TMEM233: variants seen among roughly 807,000 people sequenced by gnomAD.
The protein encoded by TMEM233 is dispanin subfamily B member 2.
Under a neutral mutation model 11.2 loss-of-function variants are expected in TMEM233, and 6 were observed. That is an observed-to-expected ratio of 0.54 (90% CI 0.29 to 1.06). The LOEUF (loss-of-function observed/expected upper bound fraction) is 1.06, where lower values mean the gene tolerates loss of function less well. Among genes scored for constraint, TMEM233 ranks in the 50% least tolerant of loss-of-function variants. TMEM233 has a pLI of 0.08. For missense variants in TMEM233, 127 were observed against 144.7 expected (o/e 0.88, Z 0.63); for synonymous variants, 59 against 55.8 (o/e 1.06, Z -0.26).
chr12:119,601,107 G>C (rs1954155045), intron 1 of TMEM233, among the ~76,000 whole-genome samples: 1 of 152,154 alleles, frequency 6.6e-6, no homozygotes, highest in Non-Finnish European at 1.5e-5. Flanking sequence ...GAGAATTAAA[G>C]AGAGGAGATT....
intron 2 of TMEM233, among the ~76,000 whole-genome samples, chr12:119,631,881 GTTCTT>G (rs1366540912): frequency 2.6e-5 from 4 of 152,184 alleles, no homozygotes; most frequent in African/African-American, 4.8e-5. Flanking sequence ...TGGTGTCTCT[GTTCTT>G]TAGTGGGTGC....
At chr12:119,634,821 C>T (rs1225726417) in intron 2 of TMEM233, among the ~76,000 whole-genome samples, 3 of 152,132 alleles carry the variant, frequency 2.0e-5, no homozygotes, top group Non-Finnish European at 4.4e-5. Flanking sequence ...TAGTCTTTAC[C>T]CAAACTCATA....
At chr12:119,647,381 C>T (rs1382734600), downstream of TMEM233, among the ~76,000 whole-genome samples, 1 of 152,170 alleles carries the variant, frequency 6.6e-6, no homozygotes, top group Non-Finnish European at 1.5e-5. Context: ...ATCAGGAATC[C>T]GTTCTTGTAA....
chr12:119,627,141 A>G lies in TMEM233; in HGVS notation c.187-2595A>G, dbSNP rs186056928. On this transcript the variant is annotated intron_variant, in intron 1 of 2. Coordinates refer to ENST00000426426, the MANE Select transcript of TMEM233 (RefSeq NM_001136534.3). ...CAACATTTTAACAGCTGGGAATGAC[A>G]GCCGTGGCTTGGGCATGGAGATGAA... 6.6e-5 allele frequency among the ~76,000 whole-genome samples: 10 copies of G among 152,348 alleles called. No individual in the cohort carries two copies. In the East Asian group the frequency reaches 1.9e-3, roughly 29 times the overall value.
chr12:119,615,996 TC>T (rs1478839691), intron 1 of TMEM233, among the ~76,000 whole-genome samples: 2 of 152,032 alleles, frequency 1.3e-5, no homozygotes, highest in African/African-American at 2.4e-5. Context: ...TGCCCAGCTT[TC>T]CCCCCGTGGG....
intron 1 of TMEM233, among the ~76,000 whole-genome samples, chr12:119,602,631 C>A (rs1372035203): frequency 6.6e-6 from 1 of 152,186 alleles, no homozygotes. Context: ...ATAAGTTTTG[C>A]CACTTGGTGG....
intron 1 of TMEM233, among the ~76,000 whole-genome samples, chr12:119,616,687 C>T (rs2136724133): frequency 6.6e-6 from 1 of 152,266 alleles, no homozygotes; most frequent in Middle Eastern, 3.4e-3. Flanking sequence ...GCTCTGTCCC[C>T]ACCCAAATCT....
At chr12:119,632,478 C>T (rs1316286110) in intron 2 of TMEM233, among the ~76,000 whole-genome samples, 1 of 152,058 alleles carries the variant, frequency 6.6e-6, no homozygotes, top group Non-Finnish European at 1.5e-5. Flanking sequence ...GATTGATTTA[C>T]GGGGGAATGG....
chr12:119,629,948 T>C, intron 2 of TMEM233, 76 bp downstream of exon 2: 1 of 1,455,932 alleles, frequency 6.9e-7, no homozygotes, highest in Non-Finnish European at 9.2e-7. Flanking sequence ...TTAGGGTAGA[T>C]TAGGTTATGC....
intron 1 of TMEM233, among the ~76,000 whole-genome samples, chr12:119,626,538 GGAGAA>G (rs199737179): frequency 0.063 from 3,988 of 63,196 alleles, 232 homozygotes; most frequent in East Asian, 0.14. Flanking sequence ...AAGGGAGAAG[GGAGAA>G]GAGAAGAGAA....
At chr12:119,646,360 A>G (rs1955152791), downstream of TMEM233, among the ~76,000 whole-genome samples, 1 of 152,214 alleles carries the variant, frequency 6.6e-6, no homozygotes, top group Admixed American at 6.5e-5. Flanking sequence ...CACCAGTCCT[A>G]CAGTAGCTTT....
At position 119,615,173 on chromosome 12, in the gene TMEM233, TA is replaced by T. The variant is rs60318959; in HGVS notation, c.187-14530del. 1.3e-3 allele frequency among the ~76,000 whole-genome samples: 75 copies of T among 56,194 alleles called. 1 individual carries two copies. The highest frequency in any genetic ancestry group is 5.9e-3 in the South Asian group (5 of 854). The allele number at this position is 56,194 out of a possible 152,430, so 36.9% of individuals were successfully genotyped here. Reference sequence around the variant, plus strand: ...AGGTCTCAGTCTACCCGCTTTCTGCTAAAAAAAAAAAAAAAAAAAAAAAAAA... The same window carrying T: ...AGGTCTCAGTCTACCCGCTTTCTGCTAAAAAAAAAAAAAAAAAAAAAAAAA... On this transcript the variant is annotated intron_variant, in intron 1 of 2. Transcript: ENST00000426426.
intron 2 of TMEM233, 50 bp downstream of exon 2, chr12:119,629,922 C>T (rs2301654): frequency 0.79 from 1,199,929 of 1,523,864 alleles, 474,040 homozygotes; most frequent in Middle Eastern, 0.86. Flanking sequence ...CTTTCTCGAA[C>T]GCCCGTTGGA....
At chr12:119,600,705 A>G (rs746462372) in intron 1 of TMEM233, among the ~76,000 whole-genome samples, 2 of 152,232 alleles carry the variant, frequency 1.3e-5, no homozygotes, top group Non-Finnish European at 2.9e-5. Flanking sequence ...CAAATATTAT[A>G]TGATTCCACT....
chr12:119,634,231 G>A, intron 2 of TMEM233: 1 of 985,310 alleles, frequency 1.0e-6, no homozygotes, highest in Non-Finnish European at 1.2e-6. Context: ...CAGAGGGGCT[G>A]GAAAATCTGA....
chr12:119,648,932 A>G, the TMEM233 span, among the ~76,000 whole-genome samples: 49,187 of 152,098 alleles, frequency 0.32, 8,418 homozygotes, highest in Middle Eastern at 0.37. Context: ...ACTTTCTCAC[A>G]TATTCCTTAT....
intron 1 of TMEM233, among the ~76,000 whole-genome samples, chr12:119,619,325 T>G (rs1954598078): frequency 6.6e-6 from 1 of 152,132 alleles, no homozygotes; most frequent in South Asian, 2.1e-4. Flanking sequence ...TGGGACAAAA[T>G]TCCATAGAAG....
At chr12:119,605,615 A>G (rs1717889278) in intron 1 of TMEM233, among the ~76,000 whole-genome samples, 1 of 151,616 alleles carries the variant, frequency 6.6e-6, no homozygotes, top group Admixed American at 6.6e-5. Context: ...TATTTATTGT[A>G]TAGATGGTTC....
At chr12:119,608,338 A>G (rs1954326578) in intron 1 of TMEM233, among the ~76,000 whole-genome samples, 1 of 152,202 alleles carries the variant, frequency 6.6e-6, no homozygotes. Context: ...ACTATTCTGT[A>G]GAAAGTATCT....
Sources: allele counts gnomAD v4.1 joint callset (sites outside exome capture counted in the v4.1 genomes callset), GRCh38; gene constraint gnomAD v4.1.1; transcripts MANE v1.5; gene names NCBI Gene and HGNC (gene_info 2026-07-23, HGNC 2026-07-21).